The following FBXL17 variants were observed in gnomAD, a reference collection of about 807,000 sequenced individuals.
FBXL17 encodes the protein F-box and leucine rich repeat protein 17, also known as F-box/LRR-repeat protein 17.
A neutral mutation model predicts 66.2 loss-of-function variants in FBXL17; 22 were observed. That is an observed-to-expected ratio of 0.33 (90% CI 0.24 to 0.47). The LOEUF is 0.47. FBXL17 is among the 20% of genes least tolerant of loss of function. The probability of loss-of-function intolerance (pLI) is 1.00; values close to 1 mark genes in which losing one functional copy is unlikely to be tolerated. For synonymous variants in FBXL17, 474 were observed against 400.5 expected, an observed-to-expected ratio of 1.18 and a Z score of -2.19; for missense variants, 878 against 948.2, an observed-to-expected ratio of 0.93 and a Z score of 0.97.
Position 108,381,343 on chromosome 5 carries a change from G to T in FBXL17, c.349C>A (p.Arg117Ser). Reference protein sequence around the residue: ...LAAEDCAAAARRFLLSSAAAA... With the variant: ...LAAEDCAAAASRFLLSSAAAA... ...GCGGCCGAGGATAGCAGGAAGCGGC[G>T]GGCAGCAGCGGCGCAGTCCTCGGCG... Residue 117 changes from arginine (R) to serine (S), a missense_variant, in exon 1 of 9, where the codon CGC (arginine) becomes AGC (serine). Physicochemically the swap from Arg to Ser is moderately radical, Grantham distance 110. Coordinates refer to ENST00000542267, the MANE Select transcript of FBXL17 (RefSeq NM_001163315.3). 7.3e-7 allele frequency: 1 copy of T among 1,370,786 alleles called. No homozygotes were observed. Among genetic ancestry groups the T allele is most frequent in the South Asian group, 1.7e-5 (1 of 58,996 alleles). The allele number at this position is 1,370,786 out of a possible 1,614,324, so 84.9% of individuals were successfully genotyped here. A position where few individuals can be genotyped will look rare whatever the true frequency, so the allele number is the denominator to read the frequency against.
chr5:108,126,665 A>C (rs1446952208), intron 6 of FBXL17, among the ~76,000 whole-genome samples: 1,293 of 26,548 alleles, frequency 0.049, 22 homozygotes, highest in East Asian at 0.25. Flanking sequence ...ATATATATAC[A>C]TATATATATA....
At chr5:108,129,942 G>C in intron 6 of FBXL17, among the ~76,000 whole-genome samples, 1 of 46,218 alleles carries the variant, frequency 2.2e-5, no homozygotes, top group East Asian at 1.7e-3. Flanking sequence ...AATAAAAAGT[G>C]ACCAATGTGA....
chr5:108,077,026 T>C (rs1278225330), intron 6 of FBXL17, among the ~76,000 whole-genome samples: 1 of 152,166 alleles, frequency 6.6e-6, no homozygotes, highest in Non-Finnish European at 1.5e-5. Context: ...AAGTACAGAA[T>C]ATCACTTTCT....
At chr5:108,369,055 T>C (rs925229811) in intron 1 of FBXL17, among the ~76,000 whole-genome samples, 20 of 152,144 alleles carry the variant, frequency 1.3e-4, no homozygotes, top group Non-Finnish European at 2.8e-4. Context: ...TCTTCACAGA[T>C]ATGGGACAAA....
At chr5:107,873,922 T>C (rs2112491806) in intron 8 of FBXL17, among the ~76,000 whole-genome samples, 1 of 152,198 alleles carries the variant, frequency 6.6e-6, no homozygotes, top group Non-Finnish European at 1.5e-5. Context: ...AAGCAAACAA[T>C]TTCACTATCC....
chr5:108,158,137 C>CA (rs1752065973), intron 6 of FBXL17, among the ~76,000 whole-genome samples: 1 of 152,028 alleles, frequency 6.6e-6, no homozygotes, highest in African/African-American at 2.4e-5. Context: ...CTTTCAAATT[C>CA]AAGAGACTCA....
intron 7 of FBXL17, among the ~76,000 whole-genome samples, chr5:107,895,862 T>C (rs183014332): frequency 1.3e-5 from 2 of 152,266 alleles, no homozygotes. Context: ...AGAGGTTACA[T>C]GGTATTAATA....
chr5:108,287,956 C>G (rs1757963178), intron 4 of FBXL17, among the ~76,000 whole-genome samples: 1 of 151,900 alleles, frequency 6.6e-6, no homozygotes, highest in Non-Finnish European at 1.5e-5. Context: ...AGATACTATC[C>G]TTTGCAGCAA....
At chr5:107,899,021 G>C (rs903080712) in intron 7 of FBXL17, among the ~76,000 whole-genome samples, 4 of 152,116 alleles carry the variant, frequency 2.6e-5, no homozygotes, top group African/African-American at 9.7e-5. Context: ...TCTGGTTCTA[G>C]ATCTTTGAGG....
chr5:107,887,238 G>C (rs548399395), intron 7 of FBXL17, among the ~76,000 whole-genome samples: 1 of 152,162 alleles, frequency 6.6e-6, no homozygotes, highest in Non-Finnish European at 1.5e-5. Flanking sequence ...GTATGGATAA[G>C]CTAAGAATAG....
intron 6 of FBXL17, among the ~76,000 whole-genome samples, chr5:108,102,453 CACTA>C (rs1161065775): frequency 6.6e-6 from 1 of 152,064 alleles, no homozygotes; most frequent in Non-Finnish European, 1.5e-5. Context: ...CTGATTTCAC[CACTA>C]ACTGAGATCT....
chr5:108,163,104 C>T (rs890096972), intron 6 of FBXL17, among the ~76,000 whole-genome samples: 1 of 152,276 alleles, frequency 6.6e-6, no homozygotes, highest in African/African-American at 2.4e-5. Flanking sequence ...AAATTTCCTA[C>T]ATAATAAATT....
At chr5:108,304,183 C>T (rs1758729457) in intron 4 of FBXL17, among the ~76,000 whole-genome samples, 2 of 151,980 alleles carry the variant, frequency 1.3e-5, no homozygotes, top group Admixed American at 1.3e-4. Flanking sequence ...AAATTCGCAG[C>T]AGCCAAAATT....
intron 6 of FBXL17, among the ~76,000 whole-genome samples, chr5:108,182,873 A>T (rs1471336220): frequency 6.6e-6 from 1 of 152,162 alleles, no homozygotes; most frequent in Non-Finnish European, 1.5e-5. Context: ...AAATGATACA[A>T]ACCTAAGCAA....
chr5:108,380,978 C>T lies in FBXL17; in HGVS notation c.714G>A (p.Ser238=). Residue 238 remains serine (S), a synonymous_variant, in exon 1 of 9, where the codon TCG becomes TCA. Coordinates refer to ENST00000542267, the MANE Select transcript of FBXL17 (RefSeq NM_001163315.3). ...GGGGPAGGGA[S]PPRPPDAGCC... ...AGCCGGCGTCGGGGGGCCGGGGCGG[C>T]GAAGCGCCTCCCCCCGCAGGCCCTC... 1 of 1,215,970 alleles carries T rather than the reference C, an allele frequency of 8.2e-7. No homozygotes were observed. The highest frequency in any genetic ancestry group is 1.0e-6 in the Non-Finnish European group (1 of 977,340). 75.3% of individuals were successfully genotyped at this position (1,215,970 alleles called of 1,614,324 possible).
chr5:108,181,968 A>G (rs1753021224), intron 6 of FBXL17, among the ~76,000 whole-genome samples: 1 of 152,194 alleles, frequency 6.6e-6, no homozygotes, highest in Non-Finnish European at 1.5e-5. Context: ...TTTAATAGAA[A>G]TAGTATGACC....
At chr5:107,933,426 A>G (rs1750798477) in intron 7 of FBXL17, among the ~76,000 whole-genome samples, 1 of 152,186 alleles carries the variant, frequency 6.6e-6, no homozygotes, top group African/African-American at 2.4e-5. Flanking sequence ...TACAAACAAT[A>G]AATAGTCACT....
At chr5:107,876,057 T>C (rs990591674) in intron 8 of FBXL17, among the ~76,000 whole-genome samples, 16 of 152,264 alleles carry the variant, frequency 1.1e-4, no homozygotes, top group African/African-American at 3.6e-4. Context: ...AATCTATTTA[T>C]GTCTGTTCCT....
At chr5:108,104,407 A>G (rs1749713015) in intron 6 of FBXL17, among the ~76,000 whole-genome samples, 1 of 152,248 alleles carries the variant, frequency 6.6e-6, no homozygotes, top group Non-Finnish European at 1.5e-5. Context: ...GATTACCTAT[A>G]GTGAAAATAA....
Sources: gnomAD v4.1 joint callset for allele counts (sites outside exome capture counted in the v4.1 genomes callset) on GRCh38, gnomAD v4.1.1 for gene constraint, MANE v1.5 for transcripts, NCBI Gene and HGNC (gene_info 2026-07-23, HGNC 2026-07-21) for gene names.